PAGE4: variants seen among roughly 807,000 people sequenced by gnomAD.
The protein encoded by PAGE4 is PAGE family member 4.
Under a neutral mutation model 8.5 loss-of-function variants are expected in PAGE4, and 1 was observed. That is an observed-to-expected ratio of 0.12 (90% CI 0.04 to 0.56). The LOEUF is 0.56. Ranked by LOEUF, PAGE4 falls within the 20% of genes least tolerant of loss-of-function variation. The pLI, the probability that PAGE4 is intolerant of heterozygous loss-of-function variation, is 0.91. For synonymous variants in PAGE4, 26 were observed against 26.3 expected (o/e 0.99, Z 0.04); for missense variants, 93 against 82.7 (o/e 1.13, Z -0.49).
chrX:49,831,882 A>G (rs782785759), intron 3 of PAGE4, among the ~76,000 whole-genome samples: 1 of 112,083 alleles, frequency 8.9e-6, no homozygotes, highest in African/African-American at 3.2e-5. Flanking sequence ...GCATTGAGAA[A>G]ACATCTAATA....
intron 3 of PAGE4, among the ~76,000 whole-genome samples, chrX:49,832,096 T>G (rs781894202): frequency 1.8e-4 from 20 of 112,012 alleles, no homozygotes; most frequent in African/African-American, 6.5e-4. Flanking sequence ...TTGTGAAATG[T>G]TCTTTAATTT....
chrX:49,832,648 C>A lies in PAGE4; in HGVS notation c.290C>A (p.Ala97Glu). Residue 97 changes from alanine (A) to glutamate (E), a missense_variant and splice_region_variant, in exon 4 of 5, where the codon GCA (alanine) becomes GAA (glutamate). Coordinates refer to ENST00000218068, the MANE Select transcript of PAGE4 (RefSeq NM_007003.4). ...PNPKHAKTKE[A>E]GDGQP ...CCTAAGCATGCTAAGACTAAAGAAG[C>A]AGGTACGTTATTCATTCGGAATGGA... 8.4e-7 allele frequency: 1 copy of A among 1,195,875 alleles called. No individual in the cohort carries two copies. Among genetic ancestry groups the A allele is most frequent in the Non-Finnish European group, 1.1e-6 (1 of 887,964 alleles).
chrX:49,832,138 A>AT (rs1291958116), intron 3 of PAGE4, among the ~76,000 whole-genome samples: 1 of 111,808 alleles, frequency 8.9e-6, no homozygotes, highest in Admixed American at 9.5e-5. Flanking sequence ...TTTTACAGAC[A>AT]TTTTTTTCAT....
chrX:49,830,897 G>A (rs1557156480), intron 2 of PAGE4, 100 bp from the exon 3 acceptor site: 1 of 547,753 alleles, frequency 1.8e-6, no homozygotes, highest in Non-Finnish European at 3.1e-6. Context: ...ATTTATTTGT[G>A]ACTAGCTACC....
intron 2 of PAGE4, chrX:49,830,733 A>G (rs187637725): frequency 4.3e-4 from 185 of 431,021 alleles, no homozygotes; most frequent in African/African-American, 4.2e-3. Context: ...TGACTTTCCT[A>G]TCATGCTTAT....
At chrX:49,831,127 T>C (rs782767180) in intron 3 of PAGE4, 43 bp downstream of exon 3, 1 of 851,466 alleles carries the variant, frequency 1.2e-6, no homozygotes, top group Admixed American at 3.0e-5. Context: ...CATGTATGAT[T>C]TTATACTAGT....
chrX:49,831,003 G>A lies in PAGE4; in HGVS notation c.85G>A (p.Glu29Lys), dbSNP rs1397970955. The A allele has an allele frequency of 1.7e-6, 2 of 1,184,590 alleles. No homozygotes were observed. Among genetic ancestry groups the A allele is most frequent in the East Asian group, 3.0e-5 (1 of 33,351 alleles). The change falls in exon 3 of 5, where the codon GAA becomes AAA. Residue 29 changes from glutamate to lysine, a missense_variant. By Grantham distance (56) the Glu-to-Lys change is moderately conservative. Transcript: ENST00000218068. ...PDVVAFVAPG[E>K]SQQEEPPTDN... ...CTCCCCCACCTCTCAAAAGCCCGGTGAATCTCAGCAAGAGGAACCACCAAC... is the reference window on the plus strand; with the variant it reads ...CTCCCCCACCTCTCAAAAGCCCGGTAAATCTCAGCAAGAGGAACCACCAAC...
At chrX:49,832,502 A>G in intron 3 of PAGE4, 23 bp from the exon 4 acceptor site, 1 of 1,066,826 alleles carries the variant, frequency 9.4e-7, no homozygotes, top group Non-Finnish European at 1.3e-6. Flanking sequence ...TACTTATATC[A>G]ATAACTTTTT....
chrX:49,832,620 A>C lies in PAGE4; in HGVS notation c.262A>C (p.Asn88His). 8.3e-7 allele frequency: 1 copy of C among 1,202,748 alleles called. No homozygotes were observed. The highest frequency in any genetic ancestry group is 1.1e-6 in the Non-Finnish European group (1 of 890,177). ...TGATGTAAAAGAGAAGACTCCACCT[A>C]ATCCTAAGCATGCTAAGACTAAAGA... is the stretch of plus-strand genomic sequence containing the variant. ...GSDVKEKTPPNPKHAKTKEAG... is the reference protein window; with the variant it reads ...GSDVKEKTPPHPKHAKTKEAG... The change falls in exon 4 of 5, where the codon AAT becomes CAT. Residue 88 changes from asparagine (N) to histidine (H), a missense_variant. Physicochemically the swap from Asn to His is moderately conservative, Grantham distance 68. Transcript: ENST00000218068.
chrX:49,832,640 T>C lies in PAGE4; in HGVS notation c.282T>C (p.Thr94=). ...CACCTAATCCTAAGCATGCTAAGAC[T>C]AAAGAAGCAGGTACGTTATTCATTC... ...KTPPNPKHAK[T]KEAGDGQP Residue 94 remains threonine (T), a synonymous_variant, in exon 4 of 5, where the codon ACT becomes ACC. Transcript: ENST00000218068. 8.3e-7 allele frequency: 1 copy of C among 1,199,116 alleles called. No homozygotes were observed. The highest frequency in any genetic ancestry group is 1.1e-6 in the Non-Finnish European group (1 of 889,708).
Position 49,831,081 on chromosome X carries a change from G to C in PAGE4, c.163G>C (p.Glu55Gln), listed in dbSNP as rs782013746. 5 of 1,135,156 alleles carry C rather than the reference G, an allele frequency of 4.4e-6. No individual in the cohort carries two copies. The African/African-American group carries it at 9.0e-5, about 21-fold the overall frequency. 93.5% of individuals were successfully genotyped at this position (1,135,156 alleles called of 1,213,427 possible). Reference sequence around the variant, plus strand: ...AGAGAGAGAAGGAACACCTCCGATCGAAGGTGAGAAGGGCATGGAGGAGCA... The same window carrying C: ...AGAGAGAGAAGGAACACCTCCGATCCAAGGTGAGAAGGGCATGGAGGAGCA... ...GQEREGTPPI[E>Q]ERKVEGDCQE... The change falls in exon 3 of 5, where the codon GAA becomes CAA. Residue 55 changes from glutamate to glutamine, a missense_variant. Transcript: ENST00000218068.
In PAGE4 at chrX:49,830,698, T is replaced by G. The variant is rs184275334; in HGVS notation, c.78+192T>G. The G allele has an allele frequency of 1.3e-4, 58 of 435,171 alleles. 1 individual carries two copies. The East Asian group carries it at 2.1e-3, about 16-fold the overall frequency. 35.9% of individuals were successfully genotyped at this position (435,171 alleles called of 1,213,427 possible). ...TCTGATATTGTCTGCATATGTATGT[T>G]TTTAAGAGTCTGGAAATAGTCTTAT... On this transcript the variant is annotated intron_variant, in intron 2 of 4. Transcript: ENST00000218068.
At chrX:49,832,926 G>C (rs1923521261) in intron 4 of PAGE4, among the ~76,000 whole-genome samples, 1 of 111,328 alleles carries the variant, frequency 9.0e-6, no homozygotes, top group Non-Finnish European at 1.9e-5. Context: ...CATACCCCAG[G>C]GGCAATTGGG....
chrX:49,833,439 T>C (rs1923536401), intron 4 of PAGE4, among the ~76,000 whole-genome samples: 1 of 112,510 alleles, frequency 8.9e-6, no homozygotes, highest in Non-Finnish European at 1.9e-5. Context: ...AGCTAATATA[T>C]AATTAGCAGA....
intron 2 of PAGE4, 87 bp from the exon 3 acceptor site, chrX:49,830,910 C>T (rs943597812): frequency 1.0e-5 from 6 of 593,819 alleles, no homozygotes; most frequent in Non-Finnish European, 1.4e-5. Context: ...TAGCTACCTT[C>T]ACATAGTATG....
Position 49,832,527 on chromosome X carries a change from C to A in PAGE4, c.169C>A (p.Arg57Ser). 1.7e-6 allele frequency: 2 copies of A among 1,164,186 alleles called. No individual in the cohort carries two copies. The highest frequency in any genetic ancestry group is 2.3e-6 in the Non-Finnish European group (2 of 860,697). ...AATAACTTTTTTATTTATATAAGAA[C>A]GTAAAGTAGAAGGTGATTGCCAGGA... ...EREGTPPIEERKVEGDCQEMD... is the reference protein window; with the variant it reads ...EREGTPPIEESKVEGDCQEMD... The change falls in exon 4 of 5, where the codon CGT becomes AGT. Residue 57 changes from arginine to serine, a missense_variant and splice_region_variant. By Grantham distance (110) the Arg-to-Ser change is moderately radical. Coordinates refer to ENST00000218068, the MANE Select transcript of PAGE4 (RefSeq NM_007003.4).
chrX:49,832,604 A>G lies in PAGE4; in HGVS notation c.246A>G (p.Lys82=). ...RSERGDGSDV[K]EKTPPNPKHA... ...AGCGTGGAGATGGCTCTGATGTAAA[A>G]GAGAAGACTCCACCTAATCCTAAGC... Residue 82 remains lysine (K), a synonymous_variant, in exon 4 of 5, where the codon AAA becomes AAG. Transcript: ENST00000218068. 1 of 1,202,581 alleles carries G rather than the reference A, an allele frequency of 8.3e-7. No homozygotes were observed. Among genetic ancestry groups the G allele is most frequent in the South Asian group, 1.8e-5 (1 of 55,583 alleles).
chrX:49,831,855 C>A (rs1923489564), intron 3 of PAGE4, among the ~76,000 whole-genome samples: 1 of 111,997 alleles, frequency 8.9e-6, no homozygotes, highest in African/African-American at 3.2e-5. Context: ...GAACAGTTAT[C>A]AAATTCAGGA....
At chrX:49,833,484 T>A in intron 4 of PAGE4, among the ~76,000 whole-genome samples, 1 of 112,309 alleles carries the variant, frequency 8.9e-6, no homozygotes, top group Non-Finnish European at 1.9e-5. Flanking sequence ...TGACACTGTG[T>A]TTGCTTGCTT....
Sources: gnomAD v4.1 joint callset for allele counts (sites outside exome capture counted in the v4.1 genomes callset) on GRCh38, gnomAD v4.1.1 for gene constraint, MANE v1.5 for transcripts, NCBI Gene and HGNC (gene_info 2026-07-23, HGNC 2026-07-21) for gene names.